Variants in TANC2 observed in about 807,000 individuals in gnomAD.
TANC2 encodes protein TANC2.
In TANC2, 26 loss-of-function variants were observed where a neutral mutation model predicts 210.5. The observed-to-expected ratio is 0.12, with a 90% CI of 0.09 to 0.17. The LOEUF (loss-of-function observed/expected upper bound fraction) is 0.17, where lower values mean the gene tolerates loss of function less well. Among genes scored for constraint, TANC2 ranks in the 10% least tolerant of loss-of-function variants. The pLI is 1.00. For synonymous variants in TANC2, 931 were observed against 967.1 expected (o/e 0.96, Z 0.69); for missense variants, 2,129 against 2,608.9 (o/e 0.82, Z 4.01).
chr17:63,361,690 C>T (rs532221739), intron 14 of TANC2, among the ~76,000 whole-genome samples: 1 of 152,354 alleles, frequency 6.6e-6, no homozygotes, highest in African/African-American at 2.4e-5. Flanking sequence ...TCATCGTCCA[C>T]AATGTGGCGA....
rs554732900 is a variant in TANC2 at position 63,421,381 on chromosome 17, G to A, written c.5651G>A (p.Arg1884Gln). ...ACCTCCAACCTAACTCCGACCTTCC[G>A]GCCATCTTCTTCCATCCAGCAAATG... The change falls in exon 28 of 28, where the codon CGG (arginine) becomes CAG (glutamine). Residue 1884 changes from arginine (R) to glutamine (Q), a missense_variant. By Grantham distance (43) the Arg-to-Gln change is conservative (BLOSUM62 1). Around this residue, in one of 5 missense-constraint regions of TANC2, gnomAD observed 584 missense variants for 627.3 expected, o/e 0.93. Transcript: ENST00000689528. The surrounding 1 kb of genome is among the most constrained non-coding windows in gnomAD (Gnocchi z 6.9). 7.4e-6 allele frequency: 12 copies of A among 1,613,830 alleles called. No individual in the cohort carries two copies. Among genetic ancestry groups the A allele is most frequent in the South Asian group, 3.3e-5 (3 of 91,074 alleles).
At chr17:63,131,250 A>G (rs2038907004) in intron 4 of TANC2, among the ~76,000 whole-genome samples, 1 of 152,206 alleles carries the variant, frequency 6.6e-6, no homozygotes, top group Admixed American at 6.5e-5. Flanking sequence ...ATTTAATGGC[A>G]AGAATAATGT....
intron 12 of TANC2, 74 bp from the exon 13 acceptor site, chr17:63,351,176 T>C (rs561895773): frequency 8.4e-6 from 11 of 1,306,922 alleles, no homozygotes; most frequent in African/African-American, 1.5e-5. Context: ...CAAAGAAATA[T>C]GTGATCAAAG....
exon 28 of TANC2, chr17:63,423,195 T>A (rs961566993): frequency 1.3e-5 from 2 of 152,052 alleles, no homozygotes; most frequent in Admixed American, 6.6e-5. Flanking sequence ...TTTATGAGAG[T>A]GTGATATTTT....
At chr17:63,019,075 C>T (rs531878907) in intron 2 of TANC2, among the ~76,000 whole-genome samples, 3 of 152,238 alleles carry the variant, frequency 2.0e-5, no homozygotes, top group South Asian at 2.1e-4. Context: ...AGTGCAATTG[C>T]CAGCTCATGT....
At chr17:63,175,538 A>ACC (rs1275147051) in intron 5 of TANC2, among the ~76,000 whole-genome samples, 209 of 147,340 alleles carry the variant, frequency 1.4e-3, no homozygotes, top group African/African-American at 3.5e-3. Context: ...CCCGCCAAAA[A>ACC]AAAAAAAAAA....
At chr17:63,223,586 G>GTATA (rs10616371) in intron 7 of TANC2, among the ~76,000 whole-genome samples, 2 of 149,340 alleles carry the variant, frequency 1.3e-5, no homozygotes, top group Non-Finnish European at 3.0e-5. Context: ...TATATATAGT[G>GTATA]TATATATATA....
chr17:63,267,646 T>A, intron 8 of TANC2, 102 bp from the exon 9 acceptor site: 1 of 1,122,242 alleles, frequency 8.9e-7, no homozygotes, highest in Non-Finnish European at 1.2e-6. Flanking sequence ...TATATATTTT[T>A]TGGCTGGAGT....
At chr17:63,321,197 CA>C (rs764845639) in intron 11 of TANC2, among the ~76,000 whole-genome samples, 51 of 139,488 alleles carry the variant, frequency 3.7e-4, no homozygotes, top group Middle Eastern at 3.8e-3. Context: ...GACTCCATCT[CA>C]AAAAAAAAAA....
At chr17:63,403,447 G>A (rs1211328599) in intron 19 of TANC2, among the ~76,000 whole-genome samples, 1 of 151,976 alleles carries the variant, frequency 6.6e-6, no homozygotes, top group African/African-American at 2.4e-5. Flanking sequence ...CTACTCTTGT[G>A]TTCTGACCCA....
chr17:63,241,508 G>A (rs2042772998), intron 8 of TANC2, among the ~76,000 whole-genome samples: 1 of 152,122 alleles, frequency 6.6e-6, no homozygotes, highest in African/African-American at 2.4e-5. Context: ...TTTCATAGCA[G>A]CAAAACCACA....
intron 3 of TANC2, among the ~76,000 whole-genome samples, chr17:63,078,204 C>T (rs1388768873): frequency 2.6e-5 from 4 of 152,108 alleles, no homozygotes; most frequent in African/African-American, 9.7e-5. Context: ...AAATATAGGA[C>T]TATTAAAATT....
chr17:63,173,183 C>A (rs1176684119), intron 5 of TANC2, among the ~76,000 whole-genome samples: 1 of 152,066 alleles, frequency 6.6e-6, no homozygotes, highest in African/African-American at 2.4e-5. Context: ...ACACATTTAT[C>A]CTCAAAAATC....
At chr17:63,121,511 A>G (rs75978603) in intron 4 of TANC2, among the ~76,000 whole-genome samples, 55 of 152,224 alleles carry the variant, frequency 3.6e-4, no homozygotes, top group African/African-American at 1.3e-3. Context: ...AGGCATTTGA[A>G]TACTTACCAA....
At chr17:63,367,066 G>A (rs1044132933) in intron 14 of TANC2, among the ~76,000 whole-genome samples, 2 of 152,198 alleles carry the variant, frequency 1.3e-5, no homozygotes, top group Non-Finnish European at 2.9e-5. Flanking sequence ...TCTTAACAGC[G>A]ACAGCAGAAA....
At chr17:63,267,600 A>G in intron 8 of TANC2, 148 bp from the exon 9 acceptor site, 1 of 649,098 alleles carries the variant, frequency 1.5e-6, no homozygotes, top group South Asian at 2.9e-5. Context: ...TAAAGGCATA[A>G]AATACATGTA....
At chr17:63,348,867 A>G (rs1415424290) in intron 12 of TANC2, among the ~76,000 whole-genome samples, 1 of 152,092 alleles carries the variant, frequency 6.6e-6, no homozygotes, top group Non-Finnish European at 1.5e-5. Flanking sequence ...GAACATTAGT[A>G]TCTCACCTCT....
At chr17:63,345,355 CA>C (rs2046365894) in intron 12 of TANC2, among the ~76,000 whole-genome samples, 2 of 152,146 alleles carry the variant, frequency 1.3e-5, no homozygotes, top group South Asian at 4.1e-4. Flanking sequence ...TGCAGTGGCT[CA>C]CGCCTGTAAT....
Position 63,420,534 on chromosome 17 carries a change from C to A in TANC2, c.4804C>A (p.Pro1602Thr). 1.2e-6 allele frequency: 2 copies of A among 1,613,912 alleles called. No homozygotes were observed. The highest frequency in any genetic ancestry group is 3.3e-4 in the Middle Eastern group (2 of 6,062). The change falls in exon 28 of 28, where the codon CCC becomes ACC. Residue 1602 changes from proline (P) to threonine (T), a missense_variant. By Grantham distance (38) the Pro-to-Thr change is conservative (BLOSUM62 -1). This residue lies in a region of TANC2 where 584 missense variants were observed against 627.3 expected (regional missense o/e 0.93). Coordinates refer to ENST00000689528, the Ensembl canonical transcript of TANC2. This position sits in a 1 kb window ranked among gnomAD's most constrained non-coding sequence, Gnocchi z 4.2. ...TCAGGGAGGATCTTACCGTTTCAGC[C>A]CCCCTCCTGTGGGAGGACAGGGCAA...
Sources: gnomAD v4.1 joint callset for allele counts (sites outside exome capture counted in the v4.1 genomes callset) on GRCh38, gnomAD v4.1.1 for gene constraint, gnomAD v4.1.1 regional missense constraint, Gnocchi (gnomAD v3.1) non-coding constraint, MANE v1.5 for transcripts, NCBI Gene and HGNC (gene_info 2026-07-23, HGNC 2026-07-21) for gene names.